Variants in CLSTN2 observed in about 807,000 individuals in gnomAD.
The protein encoded by CLSTN2 is calsyntenin 2.
A neutral mutation model predicts 101.2 loss-of-function variants in CLSTN2; 48 were observed. That is an observed-to-expected ratio of 0.47 (90% CI 0.38 to 0.60). CLSTN2 has a LOEUF of 0.60. CLSTN2 is among the 20% of genes least tolerant of loss of function. The pLI is 0.00. For missense variants in CLSTN2, 1,160 were observed against 1,238.2 expected (o/e 0.94, Z 0.95); for synonymous variants, 481 against 463.6 (o/e 1.04, Z -0.48).
At chr3:140,444,994 G>C (rs918964894) in intron 5 of CLSTN2, among the ~76,000 whole-genome samples, 3 of 152,140 alleles carry the variant, frequency 2.0e-5, no homozygotes, top group Non-Finnish European at 2.9e-5. Flanking sequence ...TTGTGTGAGC[G>C]TCTCACTCTC....
At chr3:140,375,989 G>T (rs1055247435) in intron 2 of CLSTN2, among the ~76,000 whole-genome samples, 1 of 152,122 alleles carries the variant, frequency 6.6e-6, no homozygotes, top group African/African-American at 2.4e-5. Context: ...AAAAAGAAGT[G>T]CAGTTTAGGA....
At chr3:140,106,736 A>C (rs1262183189) in intron 1 of CLSTN2, among the ~76,000 whole-genome samples, 1 of 152,250 alleles carries the variant, frequency 6.6e-6, no homozygotes, top group East Asian at 1.9e-4. Context: ...AAGGCTGTCT[A>C]CAAAATGAGT....
chr3:140,476,393 T>C (rs951112134), intron 8 of CLSTN2, among the ~76,000 whole-genome samples: 10 of 152,178 alleles, frequency 6.6e-5, no homozygotes, highest in African/African-American at 2.4e-4. Flanking sequence ...ATGCCCAGAT[T>C]ATGGATGAAG....
At chr3:140,104,099 A>G (rs1459714989) in intron 1 of CLSTN2, among the ~76,000 whole-genome samples, 2 of 152,222 alleles carry the variant, frequency 1.3e-5, no homozygotes, top group Admixed American at 6.5e-5. Flanking sequence ...AGCTTTAATC[A>G]GAATATTGCC....
chr3:140,403,583 T>G (rs753006773), intron 2 of CLSTN2, 46 bp from the exon 3 acceptor site: 1 of 1,489,834 alleles, frequency 6.7e-7, no homozygotes, highest in East Asian at 2.3e-5. Context: ...GTCTTCAGTC[T>G]GGCAATTCTC....
chr3:140,547,720 T>C (rs1368380176), intron 10 of CLSTN2, among the ~76,000 whole-genome samples: 1 of 152,048 alleles, frequency 6.6e-6, no homozygotes, highest in African/African-American at 2.4e-5. Context: ...CACCTGGACT[T>C]ACAGAGCGAG....
intron 4 of CLSTN2, among the ~76,000 whole-genome samples, chr3:140,412,420 C>A (rs993106378): frequency 2.0e-5 from 3 of 152,136 alleles, no homozygotes; most frequent in Admixed American, 6.5e-5. Flanking sequence ...ACAGTCCATG[C>A]AGAGTATGAG....
chr3:140,195,544 A>AG (rs1204796408), intron 2 of CLSTN2, among the ~76,000 whole-genome samples: 10 of 152,102 alleles, frequency 6.6e-5, no homozygotes, highest in Admixed American at 6.5e-5. Flanking sequence ...AATGGTTATG[A>AG]GAAAAAAATA....
chr3:140,127,061 C>CAT (rs1346627276), intron 1 of CLSTN2, among the ~76,000 whole-genome samples: 22 of 151,528 alleles, frequency 1.5e-4, no homozygotes, highest in African/African-American at 2.7e-4. Flanking sequence ...TATCATATGT[C>CAT]ATATATATAT....
At chr3:139,936,318 G>T (rs935829127) in intron 1 of CLSTN2, among the ~76,000 whole-genome samples, 3 of 152,194 alleles carry the variant, frequency 2.0e-5, no homozygotes, top group Non-Finnish European at 4.4e-5. Context: ...GAGGTCACGT[G>T]CTTGCAGGGG....
At chr3:140,146,242 T>A (rs572385893) in intron 1 of CLSTN2, among the ~76,000 whole-genome samples, 1 of 152,358 alleles carries the variant, frequency 6.6e-6, no homozygotes, top group East Asian at 1.9e-4. Flanking sequence ...TAATAACTTA[T>A]AATAGCTGGG....
intron 1 of CLSTN2, among the ~76,000 whole-genome samples, chr3:140,141,783 T>C (rs1268058562): frequency 6.6e-6 from 1 of 152,110 alleles, no homozygotes; most frequent in Non-Finnish European, 1.5e-5. Context: ...GTGCCCATGG[T>C]CTTTGCCTTG....
intron 1 of CLSTN2, among the ~76,000 whole-genome samples, chr3:140,016,857 A>T (rs1365717207): frequency 4.6e-5 from 7 of 152,048 alleles, no homozygotes; most frequent in East Asian, 1.9e-4. Flanking sequence ...TGATGGATGC[A>T]TAAAGTATAT....
intron 1 of CLSTN2, among the ~76,000 whole-genome samples, chr3:140,017,877 G>A (rs117543335): frequency 7.9e-5 from 12 of 152,324 alleles, no homozygotes; most frequent in Admixed American, 5.2e-4. Flanking sequence ...ACCTGGGAGC[G>A]GCTTTATTGT....
intron 7 of CLSTN2, among the ~76,000 whole-genome samples, chr3:140,465,824 C>A (rs1302829061): frequency 6.6e-6 from 1 of 152,168 alleles, no homozygotes; most frequent in Non-Finnish European, 1.5e-5. Flanking sequence ...CACATGGGCA[C>A]CTGCTCATCC....
At position 140,406,351 on chromosome 3, in the gene CLSTN2, T is replaced by C. The variant is rs1482281186; in HGVS notation, c.637+1585T>C. 7.9e-5 allele frequency among the ~76,000 whole-genome samples: 12 copies of C among 151,718 alleles called. No homozygotes were observed. In the South Asian group the frequency reaches 2.3e-3, roughly 29 times the overall value. ...CAGTCTTGGAAGACAGAACTAATAT[T>C]CATAAGACAGAAAAAAATAATAATA... is the stretch of plus-strand genomic sequence containing the variant. On this transcript the variant is annotated intron_variant, in intron 4 of 16. Transcript: ENST00000458420.
chr3:140,349,709 A>G (rs1225128506), intron 2 of CLSTN2, among the ~76,000 whole-genome samples: 1 of 152,238 alleles, frequency 6.6e-6, no homozygotes, highest in Non-Finnish European at 1.5e-5. Context: ...ATAAGGCAAC[A>G]GGACCCAGAA....
chr3:140,456,780 G>A (rs541788452), intron 6 of CLSTN2, among the ~76,000 whole-genome samples: 7 of 145,504 alleles, frequency 4.8e-5, no homozygotes, highest in South Asian at 4.4e-4. Flanking sequence ...GCAAGAGTCC[G>A]TCTCAAAAAT....
chr3:140,553,294 T>C (rs1184391333), intron 10 of CLSTN2, among the ~76,000 whole-genome samples: 1 of 152,260 alleles, frequency 6.6e-6, no homozygotes, highest in Non-Finnish European at 1.5e-5. Context: ...CAAGCTATCA[T>C]ATATTTAATA....
Sources: gnomAD v4.1 joint callset for allele counts (sites outside exome capture counted in the v4.1 genomes callset) on GRCh38, gnomAD v4.1.1 for gene constraint, MANE v1.5 for transcripts, NCBI Gene and HGNC (gene_info 2026-07-23, HGNC 2026-07-21) for gene names.